The following ARSJ variants were observed in gnomAD, a reference collection of about 807,000 sequenced individuals.
ARSJ encodes arylsulfatase family member J, also known as arylsulfatase J.
ARSJ carries 26 observed loss-of-function variants against 35.9 expected under a neutral mutation model. The ratio of observed to expected loss-of-function variants is 0.72; its 90% CI spans 0.53 to 1.00. The LOEUF (loss-of-function observed/expected upper bound fraction) is 1.00. Ranked by LOEUF, ARSJ falls within the 50% of genes least tolerant of loss-of-function variation. The probability of loss-of-function intolerance (pLI) is 0.00; values close to 1 mark genes in which losing one functional copy is unlikely to be tolerated. For missense variants in ARSJ, 667 were observed against 723.6 expected, an observed-to-expected ratio of 0.92 and a Z score of 0.90; for synonymous variants, 294 against 267.6, an observed-to-expected ratio of 1.10 and a Z score of -0.96.
chr4:113,919,898 A>C (rs937712250), intron 1 of ARSJ, among the ~76,000 whole-genome samples: 1 of 152,002 alleles, frequency 6.6e-6, no homozygotes, highest in Non-Finnish European at 1.5e-5. Flanking sequence ...GCAGTTTTGT[A>C]CCTAGCAGGA....
chr4:113,959,049 G>T (rs138344993), intron 1 of ARSJ, among the ~76,000 whole-genome samples: 1 of 151,972 alleles, frequency 6.6e-6, no homozygotes, highest in Non-Finnish European at 1.5e-5. Context: ...TAAAAATGAT[G>T]ACTTTCTTCT....
intron 1 of ARSJ, among the ~76,000 whole-genome samples, chr4:113,966,852 C>A (rs1375457675): frequency 6.6e-6 from 1 of 152,158 alleles, no homozygotes; most frequent in South Asian, 2.1e-4. Flanking sequence ...GTGCACGGAA[C>A]AATTCAGCAC....
intron 1 of ARSJ, among the ~76,000 whole-genome samples, chr4:113,971,810 T>C (rs369156350): frequency 6.6e-6 from 1 of 152,188 alleles, no homozygotes; most frequent in Non-Finnish European, 1.5e-5. Context: ...TGTAACATGC[T>C]GCTTAAAACT....
At chr4:113,927,114 C>T (rs144725371) in intron 1 of ARSJ, among the ~76,000 whole-genome samples, 1 of 152,264 alleles carries the variant, frequency 6.6e-6, no homozygotes, top group East Asian at 1.9e-4. Flanking sequence ...CAGAGTAACA[C>T]ACCCAAATGA....
intron 1 of ARSJ, among the ~76,000 whole-genome samples, chr4:113,945,310 A>AT (rs998750676): frequency 1.3e-4 from 19 of 151,938 alleles, no homozygotes; most frequent in Middle Eastern, 3.4e-3. Context: ...AATTGTTTGT[A>AT]TTTTTTTGTA....
chr4:113,952,029 C>T (rs751188048), intron 1 of ARSJ, among the ~76,000 whole-genome samples: 2 of 151,930 alleles, frequency 1.3e-5, no homozygotes, highest in Non-Finnish European at 2.9e-5. Flanking sequence ...ATAACCTCCC[C>T]GGATTTTGCA....
At chr4:113,968,605 G>A (rs903927486) in intron 1 of ARSJ, among the ~76,000 whole-genome samples, 8 of 152,262 alleles carry the variant, frequency 5.3e-5, no homozygotes, top group African/African-American at 1.7e-4. Context: ...ATGAGGATGC[G>A]GGCCTAGTGG....
chr4:113,954,904 C>A lies in ARSJ; in HGVS notation c.398+23533G>T, dbSNP rs191489046. Among the ~76,000 whole-genome samples, 26 of 152,094 alleles carry A rather than the reference C, an allele frequency of 1.7e-4. No individual in the cohort carries two copies. The East Asian group carries it at 3.9e-3, about 23-fold the overall frequency. ...CCTTTGCTGTTTTCTTTGCACTTAT[C>A]TGTCTTGTCTTATTTTGGTTTGGTT... On this transcript the variant is annotated intron_variant, in intron 1 of 1. Transcript: ENST00000315366.
intron 1 of ARSJ, among the ~76,000 whole-genome samples, chr4:113,927,739 C>T (rs1322747777): frequency 1.3e-5 from 2 of 152,292 alleles, no homozygotes; most frequent in African/African-American, 4.8e-5. Flanking sequence ...TGTCATTCTC[C>T]AAGATCCATC....
At chr4:113,977,152 C>G (rs1267474050) in intron 1 of ARSJ, among the ~76,000 whole-genome samples, 1 of 152,176 alleles carries the variant, frequency 6.6e-6, no homozygotes, top group African/African-American at 2.4e-5. Flanking sequence ...AACTTGACCT[C>G]TAGGCCACCA....
At chr4:113,925,964 G>A (rs1479207816) in intron 1 of ARSJ, among the ~76,000 whole-genome samples, 1 of 152,106 alleles carries the variant, frequency 6.6e-6, no homozygotes. Context: ...TCCATGTTGT[G>A]GAGCGCATGC....
chr4:113,901,550 A>G lies in ARSJ; in HGVS notation c.*724T>C, dbSNP rs1178872969. 3 of 152,658 alleles carry G rather than the reference A, an allele frequency of 2.0e-5. No individual in the cohort carries two copies. Among genetic ancestry groups the G allele is most frequent in the Non-Finnish European group, 4.4e-5 (3 of 68,042 alleles). The allele number at this position is 152,658 out of a possible 1,614,324, so 9.5% of individuals were successfully genotyped here. A position where few individuals can be genotyped will look rare whatever the true frequency, so the allele number is the denominator to read the frequency against. The stretch of plus-strand genomic sequence containing the variant: ...TCTGTAAAAATAAATTAGGTTTTTT[A>G]TACTGAAATGTTCTTCTAGTAAAGT... On this transcript the variant is annotated 3_prime_UTR_variant, in exon 2 of 2. Coordinates refer to ENST00000315366, the MANE Select transcript of ARSJ (RefSeq NM_024590.4).
intron 1 of ARSJ, among the ~76,000 whole-genome samples, chr4:113,923,372 G>C (rs1236181910): frequency 6.6e-6 from 1 of 152,044 alleles, no homozygotes; most frequent in Non-Finnish European, 1.5e-5. Flanking sequence ...GCAAAATTTT[G>C]AGGAAAATAG....
intron 1 of ARSJ, among the ~76,000 whole-genome samples, chr4:113,966,546 T>C (rs1726905975): frequency 6.6e-6 from 1 of 152,148 alleles, no homozygotes; most frequent in Non-Finnish European, 1.5e-5. Context: ...TAATTTATTA[T>C]TGCTTCTAAT....
intron 1 of ARSJ, among the ~76,000 whole-genome samples, chr4:113,969,173 A>G (rs1258368694): frequency 6.6e-6 from 1 of 152,180 alleles, no homozygotes; most frequent in African/African-American, 2.4e-5. Flanking sequence ...CACTTGTCAC[A>G]GGCTTAGCAG....
In ARSJ at chr4:113,903,076, G is replaced by A. The variant is rs769033201; in HGVS notation, c.998C>T (p.Thr333Met). 4.4e-5 allele frequency: 71 copies of A among 1,614,004 alleles called. No individual in the cohort carries two copies. The highest frequency in any genetic ancestry group is 6.7e-5 in the Admixed American group (4 of 60,006). Residue 333 changes from threonine (T) to methionine (M), a missense_variant, in exon 2 of 2, where the codon ACG becomes ATG. Thr to Met is a moderately conservative substitution (Grantham distance 81). Coordinates refer to ENST00000315366, the MANE Select transcript of ARSJ (RefSeq NM_024590.4). ...IYSSDNGGQP[T>M]AGGSNWPLRG... ...GAGAGGCCAGTTACTCCCTCCTGCCGTAGGCTGGCCACCATTATCTGAAGA... is the reference window on the plus strand; with the variant it reads ...GAGAGGCCAGTTACTCCCTCCTGCCATAGGCTGGCCACCATTATCTGAAGA...
At chr4:113,948,327 C>A (rs1725633294) in intron 1 of ARSJ, among the ~76,000 whole-genome samples, 1 of 152,000 alleles carries the variant, frequency 6.6e-6, no homozygotes, top group Admixed American at 6.6e-5. Context: ...TCTCTCATAA[C>A]TATAGATCAG....
chr4:113,977,946 C>G (rs529117763), intron 1 of ARSJ, among the ~76,000 whole-genome samples: 1 of 152,294 alleles, frequency 6.6e-6, no homozygotes, highest in South Asian at 2.1e-4. Flanking sequence ...CAGAGTCATA[C>G]ATAAACTGGT....
At chr4:113,931,351 T>C (rs549214314) in intron 1 of ARSJ, among the ~76,000 whole-genome samples, 1 of 151,998 alleles carries the variant, frequency 6.6e-6, no homozygotes, top group African/African-American at 2.4e-5. Context: ...TGATCCAAGA[T>C]TAAGTGAAAA....
Sources: gnomAD v4.1 joint callset for allele counts (sites outside exome capture counted in the v4.1 genomes callset) on GRCh38, gnomAD v4.1.1 for gene constraint, MANE v1.5 for transcripts, NCBI Gene and HGNC (gene_info 2026-07-23, HGNC 2026-07-21) for gene names.